BACH2: variants seen among roughly 807,000 people sequenced by gnomAD.
BACH2 encodes the protein BACH transcriptional regulator 2, also known as transcription regulator protein BACH2.
In BACH2, 5 loss-of-function variants were observed where a neutral mutation model predicts 61.8. The observed-to-expected ratio is 0.08, with a 90% CI of 0.04 to 0.17. The LOEUF is 0.17. Among genes scored for constraint, BACH2 ranks in the 10% least tolerant of loss-of-function variants. BACH2 has a pLI of 1.00. For missense variants in BACH2, 824 were observed against 1,091.1 expected (o/e 0.76, Z 3.45); for synonymous variants, 446 against 440.1 (o/e 1.01, Z -0.17).
intron 4 of BACH2, among the ~76,000 whole-genome samples, chr6:90,169,054 C>T (rs1345103645): frequency 6.6e-6 from 1 of 152,036 alleles, no homozygotes; most frequent in East Asian, 1.9e-4. Flanking sequence ...TGTGCCAACC[C>T]TAGAGCTGCA....
chr6:90,169,204 A>G (rs1468846125), intron 4 of BACH2, among the ~76,000 whole-genome samples: 1 of 152,112 alleles, frequency 6.6e-6, no homozygotes, highest in Non-Finnish European at 1.5e-5. Context: ...CTTTTTCCCA[A>G]TAAACATCTG....
At chr6:90,056,176 C>T (rs1163399939) in intron 5 of BACH2, among the ~76,000 whole-genome samples, 2 of 152,108 alleles carry the variant, frequency 1.3e-5, no homozygotes, top group East Asian at 3.9e-4. Context: ...CACAGACTGG[C>T]AAATTGGATA....
intron 7 of BACH2, among the ~76,000 whole-genome samples, chr6:89,944,243 T>G (rs190342435): frequency 1.0e-3 from 159 of 152,334 alleles, no homozygotes; most frequent in Admixed American, 3.4e-3. Flanking sequence ...CTACTTAGCT[T>G]ACAGGGTTGC....
At chr6:90,272,316 T>A (rs930562410) in intron 1 of BACH2, among the ~76,000 whole-genome samples, 2 of 152,098 alleles carry the variant, frequency 1.3e-5, no homozygotes, top group African/African-American at 4.8e-5. Context: ...GTTTCTTTTA[T>A]GGTTTCCTGC....
intron 2 of BACH2, among the ~76,000 whole-genome samples, chr6:90,259,893 C>T (rs780494313): frequency 6.6e-6 from 1 of 151,668 alleles, no homozygotes; most frequent in South Asian, 2.1e-4. Context: ...TTTTTATTCC[C>T]GAGGTGTCTG....
At chr6:90,129,183 C>T (rs1029765823) in intron 4 of BACH2, among the ~76,000 whole-genome samples, 6 of 152,050 alleles carry the variant, frequency 3.9e-5, no homozygotes, top group African/African-American at 7.2e-5. Context: ...CAAACCTGCA[C>T]GTTGCGCACA....
chr6:89,992,926 C>T (rs1360680460), intron 6 of BACH2, among the ~76,000 whole-genome samples: 1 of 152,170 alleles, frequency 6.6e-6, no homozygotes, highest in South Asian at 2.1e-4. Flanking sequence ...AGGGCCTTTA[C>T]AAAGGTAATT....
chr6:90,280,325 C>T (rs373605227), intron 1 of BACH2, among the ~76,000 whole-genome samples: 5 of 151,978 alleles, frequency 3.3e-5, no homozygotes, highest in Admixed American at 1.3e-4. Flanking sequence ...GAAAATACAA[C>T]GTTATGTAAT....
At chr6:89,999,676 T>C (rs1777031701) in intron 6 of BACH2, among the ~76,000 whole-genome samples, 1 of 152,146 alleles carries the variant, frequency 6.6e-6, no homozygotes, top group South Asian at 2.1e-4. Context: ...AAAGCTATTA[T>C]TAATTTTAAT....
At chr6:90,268,971 AT>A (rs1247810436) in intron 2 of BACH2, among the ~76,000 whole-genome samples, 2 of 152,338 alleles carry the variant, frequency 1.3e-5, no homozygotes, top group East Asian at 3.9e-4. Flanking sequence ...TCTAGTTTCT[AT>A]TTTCAAGTGA....
Position 90,107,460 on chromosome 6 carries a change from C to T in BACH2, c.-161-18351G>A. On this transcript the variant is annotated intron_variant, in intron 4 of 8. Coordinates refer to ENST00000257749, the MANE Select transcript of BACH2 (RefSeq NM_021813.4). Reference sequence around the variant, plus strand: ...TGCCAATATATCTATCAAATGTGATCTCAAATAAAGCACAATTTTATTACT... The same window carrying T: ...TGCCAATATATCTATCAAATGTGATTTCAAATAAAGCACAATTTTATTACT... Among the ~76,000 whole-genome samples, 2 of 152,096 alleles carry T rather than the reference C, an allele frequency of 1.3e-5. 1 individual carries two copies. The highest frequency in any genetic ancestry group is 2.9e-5 in the Non-Finnish European group (2 of 68,016).
At chr6:90,014,464 A>ATTTT (rs1342162722) in intron 5 of BACH2, among the ~76,000 whole-genome samples, 7 of 56,406 alleles carry the variant, frequency 1.2e-4, no homozygotes, top group African/African-American at 4.2e-4. Flanking sequence ...ATATATATAT[A>ATTTT]TATATTTTTT....
At chr6:90,024,175 A>G (rs1357499729) in intron 5 of BACH2, among the ~76,000 whole-genome samples, 2 of 152,066 alleles carry the variant, frequency 1.3e-5, no homozygotes, top group Non-Finnish European at 2.9e-5. Flanking sequence ...CCCCAAATTA[A>G]AGACTGTAGG....
Position 90,062,998 on chromosome 6 carries a change from T to G in BACH2, c.-13+25963A>C, listed in dbSNP as rs1780766317. 5 of 893,050 alleles carry G rather than the reference T, an allele frequency of 5.6e-6. No homozygotes were observed. The South Asian group carries it at 2.0e-4, about 37-fold the overall frequency. 55.3% of individuals were successfully genotyped at this position (893,050 alleles called of 1,614,324 possible). ...TGAATAAAATGAAAATACAACCAGA[T>G]GTATAGGGAAAAGAGTTTTTAGTGT... On this transcript the variant is annotated intron_variant, in intron 5 of 8. Transcript: ENST00000257749.
chr6:89,975,295 C>G (rs1775592326), intron 6 of BACH2, among the ~76,000 whole-genome samples: 1 of 152,220 alleles, frequency 6.6e-6, no homozygotes, highest in Non-Finnish European at 1.5e-5. Context: ...TAGCAACTAT[C>G]TTGGTATGGA....
At chr6:89,991,038 A>G (rs938041699) in intron 6 of BACH2, among the ~76,000 whole-genome samples, 1 of 151,898 alleles carries the variant, frequency 6.6e-6, no homozygotes, top group Admixed American at 6.6e-5. Flanking sequence ...CTATCACATC[A>G]CTCTGCTTTA....
chr6:90,056,091 A>G (rs1272083612), intron 5 of BACH2, among the ~76,000 whole-genome samples: 3 of 152,220 alleles, frequency 2.0e-5, no homozygotes, highest in African/African-American at 7.2e-5. Flanking sequence ...AGCTAACATC[A>G]TAATGACAGG....
chr6:90,135,518 A>G (rs1215055830), intron 4 of BACH2, among the ~76,000 whole-genome samples: 1 of 152,168 alleles, frequency 6.6e-6, no homozygotes, highest in East Asian at 1.9e-4. Flanking sequence ...GCTTGAGACC[A>G]GCCTAGGCAA....
At chr6:90,099,224 T>C (rs1216742263) in intron 4 of BACH2, among the ~76,000 whole-genome samples, 5 of 152,142 alleles carry the variant, frequency 3.3e-5, no homozygotes, top group African/African-American at 1.2e-4. Context: ...ACAGGGTTTC[T>C]CCTCCAGGAG....
Sources: allele counts gnomAD v4.1 joint callset (sites outside exome capture counted in the v4.1 genomes callset), GRCh38; gene constraint gnomAD v4.1.1; transcripts MANE v1.5; gene names NCBI Gene and HGNC (gene_info 2026-07-23, HGNC 2026-07-21).